Variants in PAPOLG observed in about 807,000 individuals in gnomAD.
The protein encoded by PAPOLG is poly(A) polymerase gamma.
A neutral mutation model predicts 99.0 loss-of-function variants in PAPOLG; 40 were observed. The observed-to-expected ratio is 0.40, with a 90% confidence interval of 0.31 to 0.53. The LOEUF is 0.53. Among genes scored for constraint, PAPOLG ranks in the 20% least tolerant of loss-of-function variants. The probability of loss-of-function intolerance (pLI) is 0.41; values close to 1 mark genes in which losing one functional copy is unlikely to be tolerated. For synonymous variants in PAPOLG, 310 were observed against 299.3 expected, an observed-to-expected ratio of 1.04 and a Z score of -0.37; for missense variants, 675 against 884.1, an observed-to-expected ratio of 0.76 and a Z score of 3.00.
At position 60,797,071 on chromosome 2, in the gene PAPOLG, AG is replaced by A. The variant is rs1558726218; in HGVS notation, c.2123del (p.Ser708IlefsTer25). The A allele has an allele frequency of 4.3e-6, 7 of 1,611,918 alleles. No homozygotes were observed. The stretch of plus-strand genomic sequence containing the variant: ...TCTTTCTTTCTAATAGAGACTACCC[AG>A]TAAAGAACTACCAGATTCATCATCT... ...IDTSRKKRLP[S>X]KELPDSSSPV... is the part of the protein sequence containing the mutation. On this transcript the variant is annotated frameshift_variant, in exon 22 of 22. Transcript: ENST00000238714. LOFTEE classifies it high-confidence loss of function.
intron 15 of PAPOLG, 44 bp downstream of exon 15, chr2:60,787,664 A>G (rs201356187): frequency 6.3e-6 from 10 of 1,598,486 alleles, no homozygotes; most frequent in South Asian, 1.1e-5. Context: ...AAACCTGGCT[A>G]TTACTCAGTG....
At position 60,800,941 on chromosome 2, in the gene PAPOLG, C is replaced by G. The variant is rs1671823063; in HGVS notation, c.*3781C>G. The G allele has an allele frequency of 6.6e-6, 1 of 152,272 alleles. No homozygotes were observed. Among genetic ancestry groups the G allele is most frequent in the Non-Finnish European group, 1.5e-5 (1 of 68,012 alleles). 9.4% of individuals were successfully genotyped at this position (152,272 alleles called of 1,614,324 possible). On this transcript the variant is annotated 3_prime_UTR_variant, in exon 22 of 22. Transcript: ENST00000238714. ...TGAGGGACTCTGGAATTCTGAATTT[C>G]TAAGTTTATAACCTAAAATGAAACT...
chr2:60,780,550 A>T (rs1172626467), intron 9 of PAPOLG, 157 bp from the exon 10 acceptor site: 1 of 228,764 alleles, frequency 4.4e-6, no homozygotes, highest in Non-Finnish European at 7.2e-6. Flanking sequence ...TACTGGGATT[A>T]CAGGCATGAG....
chr2:60,771,568 T>G lies in PAPOLG; in HGVS notation c.542T>G (p.Leu181Ter). ...GCAATACAAACCATATCAGATAATT[T>G]AGATCTAAGAGACGACTCTCGCCTG... ...RLAIQTISDN[L>*]DLRDDSRLRS... The change falls in exon 7 of 22, where the codon TTA becomes TGA. Residue 181 changes from leucine to a stop codon, truncating the protein, a stop_gained. Coordinates refer to ENST00000238714, the MANE Select transcript of PAPOLG (RefSeq NM_022894.4). LOFTEE classifies it high-confidence loss of function. 6.2e-7 allele frequency: 1 copy of G among 1,608,358 alleles called. No homozygotes were observed. Among genetic ancestry groups the G allele is most frequent in the South Asian group, 1.1e-5 (1 of 90,024 alleles).
rs1671542140 is a variant in PAPOLG at position 60,791,740 on chromosome 2, A to T, written c.1397-21A>T. On this transcript the variant is annotated intron_variant, in intron 15 of 21. Transcript: ENST00000238714. ...TGGTTCAGAAAGAAGTTTCCCATTT[A>T]ACATATTAACATTGTTACAGTGTAC... 3.8e-6 allele frequency: 6 copies of T among 1,574,372 alleles called. No individual in the cohort carries two copies. The South Asian group carries it at 7.1e-5, about 19-fold the overall frequency.
intron 15 of PAPOLG, among the ~76,000 whole-genome samples, chr2:60,788,644 G>A (rs114503351): frequency 0.019 from 2,847 of 152,194 alleles, 31 homozygotes; most frequent in Non-Finnish European, 0.026. Context: ...TTAAAACAAA[G>A]AAAGGAAAGC....
At chr2:60,791,033 G>C (rs1326343500) in intron 15 of PAPOLG, among the ~76,000 whole-genome samples, 1 of 151,790 alleles carries the variant, frequency 6.6e-6, no homozygotes, top group African/African-American at 2.4e-5. Context: ...AGGTTGCAAT[G>C]AGTTAAGATT....
At chr2:60,776,029 C>G (rs940221824) in intron 8 of PAPOLG, among the ~76,000 whole-genome samples, 2 of 152,198 alleles carry the variant, frequency 1.3e-5, no homozygotes, top group South Asian at 2.1e-4. Context: ...TCCCAAAGTG[C>G]TGGGATTACA....
intron 3 of PAPOLG, among the ~76,000 whole-genome samples, chr2:60,764,143 C>G (rs960632234): frequency 6.6e-6 from 1 of 152,090 alleles, no homozygotes; most frequent in Admixed American, 6.5e-5. Context: ...ATCACCACTG[C>G]GAAGGTTATT....
At chr2:60,786,604 C>G (rs933756486) in intron 13 of PAPOLG, among the ~76,000 whole-genome samples, 1 of 152,074 alleles carries the variant, frequency 6.6e-6, no homozygotes, top group South Asian at 2.1e-4. Context: ...TCTCAGCTCA[C>G]TGCAACCTCC....
intron 8 of PAPOLG, among the ~76,000 whole-genome samples, chr2:60,778,246 A>T (rs924764723): frequency 3.3e-5 from 5 of 152,202 alleles, no homozygotes; most frequent in African/African-American, 1.2e-4. Context: ...TTCTGGGCCC[A>T]AGCGATCCTT....
At chr2:60,771,422 C>T (rs1439038180) in intron 6 of PAPOLG, 97 bp from the exon 7 acceptor site, 1 of 1,410,494 alleles carries the variant, frequency 7.1e-7, no homozygotes, top group Non-Finnish European at 9.3e-7. Context: ...TTCCCAAACT[C>T]ATAACCAGAG....
At chr2:60,783,084 G>A (rs1671241473) in intron 12 of PAPOLG, 72 bp from the exon 13 acceptor site, 2 of 1,344,624 alleles carry the variant, frequency 1.5e-6, no homozygotes. Flanking sequence ...AGGGAAAAAA[G>A]GGGATGATTA....
chr2:60,782,654 T>A, intron 11 of PAPOLG, 32 bp from the exon 12 acceptor site: 6 of 205,112 alleles, frequency 2.9e-5, no homozygotes, highest in Non-Finnish European at 3.5e-5. Flanking sequence ...ATTCTTCTTC[T>A]TTTTTTTTTT....
rs1177365658 is a variant in PAPOLG, at chr2:60,787,027, A to T, written c.1247A>T (p.Asn416Ile). The T allele has an allele frequency of 6.2e-7, 1 of 1,612,304 alleles. No homozygotes were observed. Among genetic ancestry groups the T allele is most frequent in the Admixed American group, 1.7e-5 (1 of 59,902 alleles). Residue 416 changes from asparagine to isoleucine, a missense_variant, in exon 14 of 22, where the codon AAT (asparagine) becomes ATT (isoleucine). Coordinates refer to ENST00000238714, the MANE Select transcript of PAPOLG (RefSeq NM_022894.4). ...RNEFITLAHV[N>I]PQSFPGNKEH... ...GAATTTATTACTCTTGCCCATGTGA[A>T]TCCCCAGTCATTCCCAGGGAATAAG...
intron 8 of PAPOLG, among the ~76,000 whole-genome samples, chr2:60,778,804 T>C (rs1027393677): frequency 5.3e-5 from 8 of 152,228 alleles, no homozygotes; most frequent in African/African-American, 1.7e-4. Context: ...TGCCCTTCTT[T>C]AAAGATTAAA....
At chr2:60,790,552 A>G (rs965752678) in intron 15 of PAPOLG, among the ~76,000 whole-genome samples, 10 of 152,364 alleles carry the variant, frequency 6.6e-5, no homozygotes, top group African/African-American at 2.4e-4. Flanking sequence ...GTGTGAGTTA[A>G]TAAAACCCAT....
At chr2:60,765,357 C>T (rs140454680) in intron 3 of PAPOLG, among the ~76,000 whole-genome samples, 134 of 148,382 alleles carry the variant, frequency 9.0e-4, no homozygotes, top group African/African-American at 3.2e-3. Flanking sequence ...AGATTACAGG[C>T]ATGAGTCACA....
Position 60,793,629 on chromosome 2 carries a change from A to G in PAPOLG, c.1682A>G (p.Asn561Ser), listed in dbSNP as rs1219689735. 2.5e-6 allele frequency: 4 copies of G among 1,613,424 alleles called. No individual in the cohort carries two copies. In the African/African-American group the frequency reaches 5.3e-5, roughly 22 times the overall value. The change falls in exon 18 of 22, where the codon AAT (asparagine) becomes AGT (serine). Residue 561 changes from asparagine (N) to serine (S), a missense_variant and splice_region_variant. By Grantham distance (46) the Asn-to-Ser change is conservative. This residue lies in a region of PAPOLG where 413 missense variants were observed against 460.5 expected (regional missense o/e 0.90). Transcript: ENST00000238714. ...DSPSVGETERNSAEPAAVIVE... is the reference protein window; with the variant it reads ...DSPSVGETERSSAEPAAVIVE... The stretch of plus-strand genomic sequence containing the variant: ...TGATAATTTAACACTTTCATTAGGA[A>G]TAGTGCTGAGCCTGCTGCTGTAATT...
Sources: gnomAD v4.1 joint callset for allele counts (sites outside exome capture counted in the v4.1 genomes callset) on GRCh38, gnomAD v4.1.1 for gene constraint, gnomAD v4.1.1 regional missense constraint, MANE v1.5 for transcripts, NCBI Gene and HGNC (gene_info 2026-07-23, HGNC 2026-07-21) for gene names.